NELL1: variants seen among roughly 807,000 people sequenced by gnomAD.
NELL1 encodes the protein protein kinase C-binding protein NELL1.
Under a neutral mutation model 107.4 loss-of-function variants are expected in NELL1, and 76 were observed. The observed-to-expected ratio is 0.71, with a 90% CI of 0.59 to 0.86. NELL1 has a LOEUF of 0.86. Among genes scored for constraint, NELL1 ranks in the 40% least tolerant of loss-of-function variants. NELL1 has a pLI of 0.00. For missense variants in NELL1, 1,024 were observed against 1,005.5 expected (o/e 1.02, Z -0.25); for synonymous variants, 353 against 341.2 (o/e 1.03, Z -0.38).
rs138398115 is a variant in NELL1 at position 21,536,111 on chromosome 11, T to C, written c.1786+1597T>C. ...AGTTAAGCCAATTTTATTTATTATTTTTTCTACTTTTAAGTTCAAGGGATT... is the reference window on the plus strand; with the variant it reads ...AGTTAAGCCAATTTTATTTATTATTCTTTCTACTTTTAAGTTCAAGGGATT... On this transcript the variant is annotated intron_variant, in intron 16 of 19. Transcript: ENST00000357134. Among the ~76,000 whole-genome samples, 480 of 152,238 alleles carry C rather than the reference T, an allele frequency of 3.2e-3. 2 individuals carry two copies. The highest frequency in any genetic ancestry group is 0.01 in the African/African-American group (432 of 41,536).
chr11:20,865,840 T>C (rs1178562207), intron 4 of NELL1, among the ~76,000 whole-genome samples: 3 of 152,208 alleles, frequency 2.0e-5, no homozygotes, highest in Non-Finnish European at 4.4e-5. Context: ...TAATCTATTA[T>C]TCTCTTTGCA....
At chr11:20,946,349 A>T (rs965501543) in intron 10 of NELL1, among the ~76,000 whole-genome samples, 3 of 152,192 alleles carry the variant, frequency 2.0e-5, no homozygotes, top group Non-Finnish European at 2.9e-5. Context: ...AGAAAAAGTA[A>T]ATGTTTTAGA....
chr11:21,264,996 G>C (rs1363928148), intron 14 of NELL1, among the ~76,000 whole-genome samples: 1 of 151,962 alleles, frequency 6.6e-6, no homozygotes, highest in Non-Finnish European at 1.5e-5. Context: ...CATAGTAAAG[G>C]CCTTAGGTAA....
intron 3 of NELL1, among the ~76,000 whole-genome samples, chr11:20,787,283 G>C (rs552456227): frequency 6.6e-6 from 1 of 152,144 alleles, no homozygotes; most frequent in East Asian, 1.9e-4. Flanking sequence ...TTCTACTCTA[G>C]TAGAGAAGAT....
intron 15 of NELL1, among the ~76,000 whole-genome samples, chr11:21,453,585 C>G (rs1853642464): frequency 6.6e-6 from 1 of 151,812 alleles, no homozygotes; most frequent in Non-Finnish European, 1.5e-5. Flanking sequence ...TTCCATCTCA[C>G]AATCTAGGCC....
intron 5 of NELL1, among the ~76,000 whole-genome samples, chr11:20,912,191 G>A (rs1376040736): frequency 6.6e-6 from 1 of 152,094 alleles, no homozygotes; most frequent in Admixed American, 6.6e-5. Flanking sequence ...GGATCCTTGT[G>A]GATAGTGCAA....
chr11:21,280,249 A>T (rs974881856), intron 14 of NELL1, among the ~76,000 whole-genome samples: 1 of 152,202 alleles, frequency 6.6e-6, no homozygotes, highest in East Asian at 1.9e-4. Context: ...TTCATTGGTT[A>T]TAAAAAATGG....
intron 2 of NELL1, among the ~76,000 whole-genome samples, chr11:20,730,058 A>G (rs1205665649): frequency 6.6e-6 from 1 of 152,194 alleles, no homozygotes; most frequent in Non-Finnish European, 1.5e-5. Flanking sequence ...GACCTTAGAC[A>G]CAGCTTCCCC....
chr11:21,045,007 A>G (rs1019967682), intron 12 of NELL1, among the ~76,000 whole-genome samples: 1 of 152,168 alleles, frequency 6.6e-6, no homozygotes, highest in Non-Finnish European at 1.5e-5. Flanking sequence ...AAAAGTTTAG[A>G]GTTTAGCCTG....
chr11:21,186,886 A>T (rs963195253), intron 13 of NELL1, among the ~76,000 whole-genome samples: 1 of 151,894 alleles, frequency 6.6e-6, no homozygotes, highest in Non-Finnish European at 1.5e-5. Flanking sequence ...GAGTACAGAA[A>T]GTCATTTGTT....
At chr11:20,997,961 G>C (rs1271255366) in intron 12 of NELL1, among the ~76,000 whole-genome samples, 2 of 152,034 alleles carry the variant, frequency 1.3e-5, no homozygotes, top group Non-Finnish European at 2.9e-5. Context: ...GATAGACCAA[G>C]ACCCTATCTC....
At chr11:21,088,656 C>T (rs562505578) in intron 12 of NELL1, among the ~76,000 whole-genome samples, 6 of 152,144 alleles carry the variant, frequency 3.9e-5, no homozygotes, top group South Asian at 2.1e-4. Context: ...TTTTTAGCTG[C>T]GAAGTGAGAA....
At chr11:21,240,708 A>C (rs932394029) in intron 14 of NELL1, among the ~76,000 whole-genome samples, 4 of 127,538 alleles carry the variant, frequency 3.1e-5, no homozygotes, top group African/African-American at 9.0e-5. Flanking sequence ...AACAAGGTGC[A>C]CCTTGACGTA....
At chr11:20,693,492 A>G (rs899905195) in intron 2 of NELL1, among the ~76,000 whole-genome samples, 6 of 150,232 alleles carry the variant, frequency 4.0e-5, no homozygotes, top group Non-Finnish European at 7.4e-5. Context: ...GGTTGACAAA[A>G]TCTCTCAGCA....
chr11:21,528,295 C>T (rs1331391660), intron 15 of NELL1, among the ~76,000 whole-genome samples: 1 of 152,104 alleles, frequency 6.6e-6, no homozygotes, highest in Non-Finnish European at 1.5e-5. Flanking sequence ...CACCAAAATT[C>T]ATGCTGATTT....
chr11:21,423,464 AAAAC>A (rs1441691437), intron 15 of NELL1, among the ~76,000 whole-genome samples: 1 of 152,104 alleles, frequency 6.6e-6, no homozygotes, highest in South Asian at 2.1e-4. Flanking sequence ...ACAATAATAA[AAAAC>A]AAAAATAAAT....
At chr11:20,800,653 C>A (rs764045177) in intron 3 of NELL1, among the ~76,000 whole-genome samples, 12 of 152,202 alleles carry the variant, frequency 7.9e-5, no homozygotes, top group Admixed American at 2.6e-4. Flanking sequence ...GGCTGTCTTG[C>A]CAATAATAGC....
chr11:21,092,476 G>A (rs1024230582), intron 12 of NELL1, among the ~76,000 whole-genome samples: 2 of 152,204 alleles, frequency 1.3e-5, no homozygotes, highest in South Asian at 2.1e-4. Context: ...TGTAAAGGGT[G>A]TAGAACAATG....
chr11:20,945,901 G>A (rs1467110816), intron 10 of NELL1, among the ~76,000 whole-genome samples: 2 of 152,110 alleles, frequency 1.3e-5, no homozygotes, highest in Non-Finnish European at 2.9e-5. Context: ...TTGTAAGATA[G>A]TCAGGAGAAA....
Sources: gnomAD v4.1 joint callset for allele counts (sites outside exome capture counted in the v4.1 genomes callset) on GRCh38, gnomAD v4.1.1 for gene constraint, MANE v1.5 for transcripts, NCBI Gene and HGNC (gene_info 2026-07-23, HGNC 2026-07-21) for gene names.